ITIH5: variants seen among roughly 807,000 people sequenced by gnomAD.
ITIH5 encodes inter-alpha-trypsin inhibitor heavy chain 5.
A neutral mutation model predicts 77.5 loss-of-function variants in ITIH5; 65 were observed. The ratio of observed to expected loss-of-function variants is 0.84; its 90% CI spans 0.69 to 1.03. ITIH5 has a LOEUF of 1.03. Ranked by LOEUF, ITIH5 falls within the 50% of genes least tolerant of loss-of-function variation. The probability of loss-of-function intolerance (pLI) is 0.00; values close to 1 mark genes in which losing one functional copy is unlikely to be tolerated. For synonymous variants in ITIH5, 525 were observed against 494.3 expected (o/e 1.06, Z -0.82); for missense variants, 1,208 against 1,213.1 (o/e 1.00, Z 0.06).
chr10:7,614,386 C>G (rs1833321482), intron 7 of ITIH5, among the ~76,000 whole-genome samples: 1 of 152,236 alleles, frequency 6.6e-6, no homozygotes, highest in African/African-American at 2.4e-5. Context: ...TGTCCAACCC[C>G]TGGCCCACAG....
At chr10:7,649,350 G>GACA (rs1198220073) in intron 2 of ITIH5, among the ~76,000 whole-genome samples, 4 of 150,492 alleles carry the variant, frequency 2.7e-5, no homozygotes, top group Non-Finnish European at 5.9e-5. Flanking sequence ...ATTAGAAAGA[G>GACA]TTTCTATTTA....
intron 12 of ITIH5, among the ~76,000 whole-genome samples, chr10:7,567,319 TTTATTATTATTATTATTA>T (rs59350117): frequency 7.2e-6 from 1 of 139,498 alleles, no homozygotes; most frequent in African/African-American, 2.7e-5. Flanking sequence ...TCGGACATCT[TTTATTATTATTATTATTA>T]TTATTATTAT....
At chr10:7,653,930 G>A (rs751824471) in intron 2 of ITIH5, among the ~76,000 whole-genome samples, 27 of 152,294 alleles carry the variant, frequency 1.8e-4, no homozygotes, top group South Asian at 1.5e-3. Flanking sequence ...CGAGGTGGGC[G>A]GATCACCTGA....
intron 7 of ITIH5, among the ~76,000 whole-genome samples, chr10:7,613,550 C>G (rs1324861127): frequency 6.6e-6 from 1 of 152,042 alleles, no homozygotes; most frequent in Non-Finnish European, 1.5e-5. Context: ...CCTAAAACAT[C>G]ACAGAGGAGA....
At chr10:7,596,074 C>T (rs763337743) in intron 7 of ITIH5, among the ~76,000 whole-genome samples, 27 of 152,194 alleles carry the variant, frequency 1.8e-4, no homozygotes, top group Non-Finnish European at 3.5e-4. Flanking sequence ...CCCTTCAGTA[C>T]AGCTGGCAAT....
chr10:7,590,495 C>A (rs150798614), intron 7 of ITIH5, among the ~76,000 whole-genome samples: 1 of 152,196 alleles, frequency 6.6e-6, no homozygotes. Flanking sequence ...CGGCTGTGTG[C>A]GTGTGCACGT....
At chr10:7,651,903 CTG>C (rs1261178703) in intron 2 of ITIH5, among the ~76,000 whole-genome samples, 1 of 152,172 alleles carries the variant, frequency 6.6e-6, no homozygotes, top group South Asian at 2.1e-4. Context: ...CTCCAGGGAT[CTG>C]TGAGTATGAA....
chr10:7,571,905 C>T lies in ITIH5; in HGVS notation c.2032+1237G>A, dbSNP rs578135319. 25 of 917,890 alleles carry T rather than the reference C, an allele frequency of 2.7e-5. No homozygotes were observed. The East Asian group carries it at 4.7e-4, about 17-fold the overall frequency. The allele number at this position is 917,890 out of a possible 1,614,324, so 56.9% of individuals were successfully genotyped here. A position where few individuals can be genotyped will look rare whatever the true frequency, so the allele number is the denominator to read the frequency against. On this transcript the variant is annotated intron_variant, in intron 11 of 13. Transcript: ENST00000397146. ...TGTTGTTGGTTCGATCCTTGGGATG[C>T]GGGACCCATGGAGATAGAGGACAAC...
chr10:7,624,813 A>ATT (rs1833537599), intron 5 of ITIH5, among the ~76,000 whole-genome samples: 1 of 118,536 alleles, frequency 8.4e-6, no homozygotes, highest in Non-Finnish European at 1.7e-5. Context: ...ATATATATAT[A>ATT]CACATATATA....
chr10:7,619,669 G>A, intron 5 of ITIH5: 4 of 281,346 alleles, frequency 1.4e-5, no homozygotes, highest in South Asian at 1.2e-4. Context: ...CGGCAGGAGC[G>A]AGAGACAGAA....
chr10:7,635,271 A>G (rs1454283956), intron 5 of ITIH5, among the ~76,000 whole-genome samples: 1 of 152,218 alleles, frequency 6.6e-6, no homozygotes, highest in African/African-American at 2.4e-5. Flanking sequence ...AACTAGTAAT[A>G]ATTTTTAAGC....
At chr10:7,606,638 T>C (rs1564256979) in intron 7 of ITIH5, among the ~76,000 whole-genome samples, 1 of 152,204 alleles carries the variant, frequency 6.6e-6, no homozygotes, top group Non-Finnish European at 1.5e-5. Flanking sequence ...GTACTGTGCT[T>C]ATTAGCTGGG....
chr10:7,605,272 C>A (rs1306293314), intron 7 of ITIH5, among the ~76,000 whole-genome samples: 2 of 151,670 alleles, frequency 1.3e-5, no homozygotes, highest in Non-Finnish European at 2.9e-5. Context: ...CCCCTCTTCT[C>A]ATGCCACCCA....
At chr10:7,640,995 C>A (rs893035433) in intron 3 of ITIH5, 140 bp from the exon 4 acceptor site, 3 of 710,456 alleles carry the variant, frequency 4.2e-6, no homozygotes, top group Non-Finnish European at 7.5e-6. Context: ...CAGACTAGGG[C>A]ACTACCTTTG....
At chr10:7,594,992 T>A (rs576948873) in intron 7 of ITIH5, among the ~76,000 whole-genome samples, 2 of 152,292 alleles carry the variant, frequency 1.3e-5, no homozygotes, top group South Asian at 4.1e-4. Context: ...CAATCCATAG[T>A]GAATGGGCGT....
At chr10:7,629,212 TC>T (rs1162420600) in intron 5 of ITIH5, among the ~76,000 whole-genome samples, 1 of 140,804 alleles carries the variant, frequency 7.1e-6, no homozygotes, top group Non-Finnish European at 1.6e-5. Context: ...GTAGCGTGTG[TC>T]CCTGTTGTAG....
In ITIH5 at chr10:7,579,660, T is replaced by C. The variant is rs1588369167; in HGVS notation, c.1418+95A>G. 8.8e-6 allele frequency: 11 copies of C among 1,251,714 alleles called. No individual in the cohort carries two copies. In the East Asian group the frequency reaches 2.6e-4, roughly 29 times the overall value. 77.5% of individuals were successfully genotyped at this position (1,251,714 alleles called of 1,614,324 possible). On this transcript the variant is annotated intron_variant, in intron 9 of 13. Coordinates refer to ENST00000397146, the MANE Select transcript of ITIH5 (RefSeq NM_030569.7). ...TGATCGTTGTCAGCAGATGCAAGGC[T>C]GGGGTGCAGCAACACACTCCTCTCT...
intron 5 of ITIH5, among the ~76,000 whole-genome samples, chr10:7,633,969 A>G (rs534799007): frequency 3.9e-4 from 59 of 151,914 alleles, no homozygotes; most frequent in Admixed American, 1.3e-3. Flanking sequence ...GGCGCCTGTA[A>G]TCCCAGCTGC....
intron 5 of ITIH5, among the ~76,000 whole-genome samples, chr10:7,626,686 G>C (rs551011546): frequency 1.3e-5 from 2 of 152,198 alleles, no homozygotes; most frequent in South Asian, 4.1e-4. Flanking sequence ...TTTGAATTTC[G>C]GATAAACAAT....
Sources: gnomAD v4.1 joint callset for allele counts (sites outside exome capture counted in the v4.1 genomes callset) on GRCh38, gnomAD v4.1.1 for gene constraint, MANE v1.5 for transcripts, NCBI Gene and HGNC (gene_info 2026-07-23, HGNC 2026-07-21) for gene names.